Variants in AFF1 observed in about 807,000 individuals in gnomAD.
AFF1 encodes the protein AF4/FMR2 family member 1.
In AFF1, 48 loss-of-function variants were observed where a neutral mutation model predicts 121.7. That is an observed-to-expected ratio of 0.39 (90% confidence interval 0.31 to 0.50). AFF1 has a LOEUF of 0.50. AFF1 is among the 20% of genes least tolerant of loss of function. The pLI is 0.76. For synonymous variants in AFF1, 613 were observed against 563.0 expected (o/e 1.09, Z -1.26); for missense variants, 1,523 against 1,511.7 (o/e 1.01, Z -0.12).
chr4:87,056,971 C>T (rs1041276729), intron 4 of AFF1, among the ~76,000 whole-genome samples: 13 of 152,228 alleles, frequency 8.5e-5, no homozygotes, highest in Non-Finnish European at 1.2e-4. Context: ...GTCCAAGCTT[C>T]TGGAGGCTTT....
chr4:87,135,221 C>T (rs1333887449), intron 20 of AFF1, among the ~76,000 whole-genome samples: 1 of 152,168 alleles, frequency 6.6e-6, no homozygotes, highest in Non-Finnish European at 1.5e-5. Context: ...AGCCAGCTGG[C>T]TGTAACTACT....
intron 16 of AFF1, among the ~76,000 whole-genome samples, chr4:87,127,963 G>C (rs1376204875): frequency 2.0e-5 from 3 of 152,164 alleles, no homozygotes; most frequent in African/African-American, 7.2e-5. Context: ...GATTCAGTCT[G>C]ATCATGGGCA....
chr4:87,081,997 A>G (rs1723231296), intron 4 of AFF1, among the ~76,000 whole-genome samples: 1 of 152,184 alleles, frequency 6.6e-6, no homozygotes, highest in Admixed American at 6.5e-5. Context: ...GAAGTCTTTC[A>G]GTCTCTTGAA....
chr4:86,940,887 A>C (rs780002538), intron 1 of AFF1, among the ~76,000 whole-genome samples: 2 of 151,624 alleles, frequency 1.3e-5, no homozygotes, highest in Non-Finnish European at 1.5e-5. Flanking sequence ...CAGGAGTTTG[A>C]GACCAGCTTA....
intron 4 of AFF1, among the ~76,000 whole-genome samples, chr4:87,066,743 G>A (rs1309979913): frequency 6.6e-6 from 1 of 150,548 alleles, no homozygotes; most frequent in Non-Finnish European, 1.5e-5. Flanking sequence ...TTGACTTGAG[G>A]GGTATCTTGG....
chr4:86,982,958 C>T (rs1723898203), intron 2 of AFF1, among the ~76,000 whole-genome samples: 1 of 151,492 alleles, frequency 6.6e-6, no homozygotes, highest in South Asian at 2.1e-4. Context: ...CTTTACCAGA[C>T]ACTGAATCTG....
chr4:87,109,038 A>G (rs945471976), intron 11 of AFF1, among the ~76,000 whole-genome samples: 4 of 152,226 alleles, frequency 2.6e-5, no homozygotes, highest in East Asian at 1.9e-4. Context: ...AGGGTTGCCA[A>G]ATAACCTCAA....
intron 2 of AFF1, among the ~76,000 whole-genome samples, chr4:87,045,445 T>C (rs1354804370): frequency 6.6e-6 from 1 of 152,152 alleles, no homozygotes; most frequent in Non-Finnish European, 1.5e-5. Flanking sequence ...TGTTTCTCGG[T>C]GAATGCCGTT....
At chr4:87,103,181 T>A (rs71607404) in intron 8 of AFF1, among the ~76,000 whole-genome samples, 24,840 of 152,036 alleles carry the variant, frequency 0.16, 2,236 homozygotes, top group Middle Eastern at 0.2. Context: ...TAGAAAAAAA[T>A]TTTTTTCTTG....
rs376882953 is a variant in AFF1 at position 87,047,196 on chromosome 4, A to G, written c.661A>G (p.Ile221Val). ...LPSPVPPLSPIHSNQQTLPRT... is the reference protein window; with the variant it reads ...LPSPVPPLSPVHSNQQTLPRT... ...TTCCCCAGTTCCCCCTTTGTCACCTATACATTCCAACCAGCAAACTCTTCC... is the reference window on the plus strand; with the variant it reads ...TTCCCCAGTTCCCCCTTTGTCACCTGTACATTCCAACCAGCAAACTCTTCC... Residue 221 changes from isoleucine to valine, a missense_variant, in exon 4 of 21, where the codon ATA becomes GTA. Coordinates refer to ENST00000395146, the MANE Select transcript of AFF1 (RefSeq NM_001166693.3). 7.9e-5 allele frequency: 128 copies of G among 1,614,012 alleles called. No homozygotes were observed. Among genetic ancestry groups the G allele is most frequent in the Non-Finnish European group, 9.4e-5 (111 of 1,180,022 alleles).
chr4:87,060,997 C>T (rs1230898264), intron 4 of AFF1, among the ~76,000 whole-genome samples: 1 of 152,118 alleles, frequency 6.6e-6, no homozygotes, highest in Admixed American at 6.5e-5. Flanking sequence ...GGTCTTTTAT[C>T]TCCCTTATAT....
chr4:86,935,817 C>G (rs1578801101), intron 1 of AFF1: 1 of 152,116 alleles, frequency 6.6e-6, no homozygotes, highest in Middle Eastern at 3.4e-3. Context: ...ACTTCAGGGA[C>G]AGAGGGAGAG....
intron 2 of AFF1, among the ~76,000 whole-genome samples, chr4:87,045,442 CG>C (rs1262018229): frequency 6.6e-5 from 10 of 151,936 alleles, no homozygotes; most frequent in Non-Finnish European, 1.5e-4. Flanking sequence ...ATTTGTTTCT[CG>C]GTGAATGCCG....
chr4:86,997,924 T>A (rs1725346025), intron 2 of AFF1, among the ~76,000 whole-genome samples: 2 of 151,636 alleles, frequency 1.3e-5, no homozygotes, highest in South Asian at 4.1e-4. Flanking sequence ...TGGAGAAACC[T>A]CGTCTCTACT....
At chr4:87,070,822 A>G (rs917779384) in intron 4 of AFF1, among the ~76,000 whole-genome samples, 3 of 152,242 alleles carry the variant, frequency 2.0e-5, no homozygotes, top group Non-Finnish European at 2.9e-5. Context: ...TTTATTCAGC[A>G]TAGTTTGTGA....
intron 2 of AFF1, among the ~76,000 whole-genome samples, chr4:86,961,250 T>G (rs138952957): frequency 5.7e-4 from 87 of 152,150 alleles, no homozygotes; most frequent in African/African-American, 2.0e-3. Flanking sequence ...ATCTCGTAAC[T>G]CCCTATGAGG....
At chr4:87,127,804 G>C in intron 16 of AFF1, 101 bp downstream of exon 16, 1 of 1,208,670 alleles carries the variant, frequency 8.3e-7, no homozygotes, top group South Asian at 1.3e-5. Flanking sequence ...CTCAGCGTAT[G>C]TGCGGTGGAA....
At chr4:87,033,795 C>T (rs1729290491) in intron 2 of AFF1, among the ~76,000 whole-genome samples, 1 of 151,832 alleles carries the variant, frequency 6.6e-6, no homozygotes, top group Admixed American at 6.6e-5. Context: ...TCATAACTGC[C>T]TGTTTTTTTT....
intron 8 of AFF1, among the ~76,000 whole-genome samples, chr4:87,102,233 A>G (rs562249254): frequency 3.3e-5 from 5 of 152,238 alleles, no homozygotes; most frequent in Non-Finnish European, 7.3e-5. Flanking sequence ...ATACGGTTGT[A>G]TATGTTTTGA....
Sources: gnomAD v4.1 joint callset for allele counts (sites outside exome capture counted in the v4.1 genomes callset) on GRCh38, gnomAD v4.1.1 for gene constraint, MANE v1.5 for transcripts, NCBI Gene and HGNC (gene_info 2026-07-23, HGNC 2026-07-21) for gene names.